PPP1R21: variants seen among roughly 807,000 people sequenced by gnomAD.
PPP1R21 encodes the protein protein phosphatase 1 regulatory subunit 21.
In PPP1R21, 85 loss-of-function variants were observed where a neutral mutation model predicts 112.8. That is an observed-to-expected ratio of 0.75 (90% CI 0.63 to 0.90). The LOEUF (loss-of-function observed/expected upper bound fraction) is 0.90. Ranked by LOEUF, PPP1R21 falls within the 40% of genes least tolerant of loss-of-function variation. The probability of loss-of-function intolerance (pLI) is 0.00; values close to 1 mark genes in which losing one functional copy is unlikely to be tolerated. For missense variants in PPP1R21, 1,199 were observed against 901.5 expected (o/e 1.33, Z -4.23); for synonymous variants, 381 against 322.3 (o/e 1.18, Z -1.95).
intron 20 of PPP1R21, among the ~76,000 whole-genome samples, chr2:48,510,971 C>T (rs1572902775): frequency 6.6e-6 from 1 of 152,184 alleles, no homozygotes; most frequent in Non-Finnish European, 1.5e-5. Context: ...AGGCCTGGGC[C>T]TTAAGCTGCA....
chr2:48,449,248 A>C (rs775837442), intron 1 of PPP1R21, among the ~76,000 whole-genome samples: 3 of 152,120 alleles, frequency 2.0e-5, no homozygotes, highest in Non-Finnish European at 2.9e-5. Flanking sequence ...CCATTTGTGG[A>C]GCATTTTATA....
intron 13 of PPP1R21, among the ~76,000 whole-genome samples, chr2:48,484,775 C>G (rs1572871507): frequency 6.6e-6 from 1 of 152,174 alleles, no homozygotes; most frequent in Non-Finnish European, 1.5e-5. Context: ...GTCGGTCTCC[C>G]AAAGTGCTAG....
chr2:48,477,452 C>T (rs1668809484), intron 12 of PPP1R21, among the ~76,000 whole-genome samples: 1 of 152,148 alleles, frequency 6.6e-6, no homozygotes, highest in Non-Finnish European at 1.5e-5. Context: ...GTGCCTGTGC[C>T]TATGCAGTTG....
At chr2:48,461,338 C>G in intron 7 of PPP1R21, 106 bp downstream of exon 7, 1 of 1,341,954 alleles carries the variant, frequency 7.5e-7, no homozygotes, top group Non-Finnish European at 9.6e-7. Flanking sequence ...TTTAATTGGC[C>G]CCACAGAAGA....
chr2:48,510,453 T>G (rs1670587951), intron 20 of PPP1R21, among the ~76,000 whole-genome samples: 1 of 152,218 alleles, frequency 6.6e-6, no homozygotes, highest in Non-Finnish European at 1.5e-5. Context: ...TTTTCTTTCC[T>G]GTTGCATAAA....
At chr2:48,447,993 A>G (rs1225820681) in intron 1 of PPP1R21, among the ~76,000 whole-genome samples, 1 of 152,000 alleles carries the variant, frequency 6.6e-6, no homozygotes, top group African/African-American at 2.4e-5. Flanking sequence ...AAAAAAGATC[A>G]GGCTAATAAG....
chr2:48,482,076 A>G (rs1669039813), intron 13 of PPP1R21, among the ~76,000 whole-genome samples: 1 of 152,192 alleles, frequency 6.6e-6, no homozygotes, highest in African/African-American at 2.4e-5. Flanking sequence ...AGTCCAAAAC[A>G]CTGCTGGTCC....
At chr2:48,490,309 T>A (rs1331590822) in intron 14 of PPP1R21, among the ~76,000 whole-genome samples, 1 of 151,694 alleles carries the variant, frequency 6.6e-6, no homozygotes, top group Non-Finnish European at 1.5e-5. Context: ...ATGATCCAGA[T>A]GATCATGACC....
At chr2:48,451,380 G>T (rs1398584795) in intron 2 of PPP1R21, among the ~76,000 whole-genome samples, 1 of 152,180 alleles carries the variant, frequency 6.6e-6, no homozygotes, top group Non-Finnish European at 1.5e-5. Flanking sequence ...CTTCTTATCA[G>T]TTGTCATCAC....
chr2:48,480,554 C>G (rs1305862253), intron 13 of PPP1R21, among the ~76,000 whole-genome samples: 1 of 152,204 alleles, frequency 6.6e-6, no homozygotes, highest in Non-Finnish European at 1.5e-5. Context: ...AAAATGTAGT[C>G]TGCTGAAAGG....
At position 48,477,109 on chromosome 2, in the gene PPP1R21, T is replaced by C. The variant is rs567745234; in HGVS notation, c.1225+2290T>C. ...TTACACTTAGGTTTATGATTAATTT[T>C]GAATTAATTTTTTTTTTTTTTTTTT... is the stretch of plus-strand genomic sequence containing the variant. On this transcript the variant is annotated intron_variant, in intron 12 of 21. Coordinates refer to ENST00000294952, the MANE Select transcript of PPP1R21 (RefSeq NM_001135629.3). Among the ~76,000 whole-genome samples, 7 of 150,608 alleles carry C rather than the reference T, an allele frequency of 4.6e-5. No individual in the cohort carries two copies. In the East Asian group the frequency reaches 1.4e-3, roughly 30 times the overall value.
At chr2:48,470,437 G>C (rs1472726605) in intron 9 of PPP1R21, among the ~76,000 whole-genome samples, 1 of 150,900 alleles carries the variant, frequency 6.6e-6, no homozygotes, top group Non-Finnish European at 1.5e-5. Context: ...AGAATTGCTT[G>C]AGAACCCGGG....
At chr2:48,446,951 A>G (rs1231495461) in intron 1 of PPP1R21, among the ~76,000 whole-genome samples, 1 of 152,066 alleles carries the variant, frequency 6.6e-6, no homozygotes, top group Non-Finnish European at 1.5e-5. Context: ...GGGTTTTGCC[A>G]TGTTGGCTAG....
chr2:48,449,501 C>T (rs550188818), intron 1 of PPP1R21, among the ~76,000 whole-genome samples: 2 of 152,280 alleles, frequency 1.3e-5, no homozygotes, highest in South Asian at 2.1e-4. Flanking sequence ...CTCTAACTTT[C>T]TAAAAATAGA....
chr2:48,454,753 T>C lies in PPP1R21; in HGVS notation c.273+12T>C. The C allele has an allele frequency of 6.2e-7, 1 of 1,609,556 alleles. No individual in the cohort carries two copies. The highest frequency in any genetic ancestry group is 8.5e-7 in the Non-Finnish European group (1 of 1,175,798). On this transcript the variant is annotated intron_variant, in intron 3 of 21. Coordinates refer to ENST00000294952, the MANE Select transcript of PPP1R21 (RefSeq NM_001135629.3). ...GCAAGAAAAACAAGGTAGGTTCAAATACAGGCAAGTTAGTGTGACCTTGTC... is the reference window on the plus strand; with the variant it reads ...GCAAGAAAAACAAGGTAGGTTCAAACACAGGCAAGTTAGTGTGACCTTGTC...
intron 18 of PPP1R21, among the ~76,000 whole-genome samples, chr2:48,506,354 A>G (rs1670375554): frequency 6.6e-6 from 1 of 152,108 alleles, no homozygotes; most frequent in Non-Finnish European, 1.5e-5. Context: ...TCGGCCTCCC[A>G]AAGTGCTGGG....
In PPP1R21 at chr2:48,458,179, T is replaced by C. The variant is rs1667808349; in HGVS notation, c.327T>C (p.Asp109=). ...QLSQEQKSVF[D]EDLQKKIEEN... is the part of the protein sequence containing the mutation. ...GTCAAGAGCAGAAGAGTGTCTTTGA[T>C]GAAGATCTGCAAAAGAAGATAGAAG... is the stretch of plus-strand genomic sequence containing the variant. Residue 109 remains aspartate (D), a synonymous_variant, in exon 4 of 22, where the codon GAT becomes GAC. Transcript: ENST00000294952. 2 of 1,612,714 alleles carry C rather than the reference T, an allele frequency of 1.2e-6. No homozygotes were observed. Among genetic ancestry groups the C allele is most frequent in the Non-Finnish European group, 8.5e-7 (1 of 1,179,088 alleles).
At chr2:48,449,203 A>G (rs909702563) in intron 1 of PPP1R21, among the ~76,000 whole-genome samples, 1 of 152,174 alleles carries the variant, frequency 6.6e-6, no homozygotes, top group Non-Finnish European at 1.5e-5. Context: ...ATCTGTTGTC[A>G]TTTTGAATCT....
chr2:48,472,111 A>C (rs1448295462), intron 11 of PPP1R21, among the ~76,000 whole-genome samples: 1 of 151,676 alleles, frequency 6.6e-6, no homozygotes, highest in Non-Finnish European at 1.5e-5. Context: ...GTTGTGGTGC[A>C]TCCCTATAGT....
Sources: gnomAD v4.1 joint callset for allele counts (sites outside exome capture counted in the v4.1 genomes callset) on GRCh38, gnomAD v4.1.1 for gene constraint, MANE v1.5 for transcripts, NCBI Gene and HGNC (gene_info 2026-07-23, HGNC 2026-07-21) for gene names.